Variants in BRSK1 observed in about 807,000 individuals in gnomAD.
The protein encoded by BRSK1 is BR serine/threonine kinase 1.
A neutral mutation model predicts 86.2 loss-of-function variants in BRSK1; 17 were observed. That is an observed-to-expected ratio of 0.20 (90% CI 0.14 to 0.30). The LOEUF (loss-of-function observed/expected upper bound fraction) is 0.30, where lower values mean the gene tolerates loss of function less well. Ranked by LOEUF, BRSK1 falls within the 10% of genes least tolerant of loss-of-function variation. The pLI, the probability that BRSK1 is intolerant of heterozygous loss-of-function variation, is 1.00. For synonymous variants in BRSK1, 464 were observed against 440.1 expected, an observed-to-expected ratio of 1.05 and a Z score of -0.68; for missense variants, 719 against 1,071.9, an observed-to-expected ratio of 0.67 and a Z score of 4.60.
In BRSK1 at chr19:55,284,044, G is replaced by A; in HGVS notation, c.-399G>A. On this transcript the variant is annotated 5_prime_UTR_variant, in exon 1 of 19. Transcript: ENST00000309383. ...GAGAGAAAGGACGAGGTGGCGGGGG[G>A]AGGCGGAGAGGAGGAGGAGGCGGAG... 1 of 1,235,100 alleles carries A rather than the reference G, an allele frequency of 8.1e-7. No homozygotes were observed. Among genetic ancestry groups the A allele is most frequent in the Admixed American group, 4.2e-5 (1 of 23,710 alleles). 76.5% of individuals were successfully genotyped at this position (1,235,100 alleles called of 1,614,324 possible). A position where few individuals can be genotyped will look rare whatever the true frequency, so the allele number is the denominator to read the frequency against.
At position 55,284,226 on chromosome 19, in the gene BRSK1, ACT is replaced by A; in HGVS notation, c.-215_-214del. The A allele has an allele frequency of 1.7e-6, 1 of 592,720 alleles. No homozygotes were observed. The allele number at this position is 592,720 out of a possible 1,614,324, so 36.7% of individuals were successfully genotyped here. A position where few individuals can be genotyped will look rare whatever the true frequency, so the allele number is the denominator to read the frequency against. ...CCCGCAGCCCCCCTGGGCCATGCTG[ACT>A]CCCGGGGCCTGACCCCCCCGGGCCA... On this transcript the variant is annotated 5_prime_UTR_variant, in exon 1 of 19. An upstream open reading frame in the 5' UTR loses its in-frame stop. Transcript: ENST00000309383.
At position 55,287,007 on chromosome 19, in the gene BRSK1, G is replaced by C; in HGVS notation, c.137G>C (p.Gly46Ala). The change falls in exon 2 of 19, where the codon GGG (glycine) becomes GCG (alanine). Residue 46 changes from glycine to alanine, a missense_variant and splice_region_variant. This residue lies in a region of BRSK1 where 71 missense variants were observed against 92.6 expected (regional missense o/e 0.77). Coordinates refer to ENST00000309383, the MANE Select transcript of BRSK1 (RefSeq NM_032430.2). The surrounding 1 kb of genome is among the most constrained non-coding windows in gnomAD (Gnocchi z 5.3). The stretch of plus-strand genomic sequence containing the variant: ...CCACATTTTCACCCTGCTCCTGCAG[G>C]GCTGGTTAAACTCGGGGTCCACTGC... The part of the protein sequence containing the change: ...LEKTLGKGQT[G>A]LVKLGVHCIT... 6.2e-7 allele frequency: 1 copy of C among 1,614,020 alleles called. No homozygotes were observed. The highest frequency in any genetic ancestry group is 8.5e-7 in the Non-Finnish European group (1 of 1,179,952).
chr19:55,301,763 C>T, intron 8 of BRSK1, 105 bp downstream of exon 8: 2 of 1,358,140 alleles, frequency 1.5e-6, no homozygotes, highest in Non-Finnish European at 2.0e-6. Flanking sequence ...TCGTCAGTCC[C>T]CAGGGTGACT....
chr19:55,312,283 G>T lies in BRSK1; in HGVS notation c.*215G>T, dbSNP rs2088819434. The T allele has an allele frequency of 8.7e-6, 2 of 228,738 alleles. No individual in the cohort carries two copies. The highest frequency in any genetic ancestry group is 8.3e-5 in the East Asian group (1 of 11,988). The allele number at this position is 228,738 out of a possible 1,614,324, so 14.2% of individuals were successfully genotyped here. On this transcript the variant is annotated 3_prime_UTR_variant, in exon 19 of 19. Coordinates refer to ENST00000309383, the MANE Select transcript of BRSK1 (RefSeq NM_032430.2). ...GGGAGCTGTTTCTATTTTATTTATT[G>T]ATTAATTTATTATTTTATTTATTGA...
chr19:55,303,958 T>C lies in BRSK1; in HGVS notation c.1287-92T>C. 2.0e-6 allele frequency: 3 copies of C among 1,514,940 alleles called. No individual in the cohort carries two copies. The highest frequency in any genetic ancestry group is 2.5e-5 in the South Asian group (2 of 79,358). The allele number at this position is 1,514,940 out of a possible 1,614,324, so 93.8% of individuals were successfully genotyped here. A position where few individuals can be genotyped will look rare whatever the true frequency, so the allele number is the denominator to read the frequency against. ...CCTCCCCTCTCTGGGCCTCATTTCCTCACCTGGAAGGACTGTAGAAGTGAG... is the reference window on the plus strand; with the variant it reads ...CCTCCCCTCTCTGGGCCTCATTTCCCCACCTGGAAGGACTGTAGAAGTGAG... On this transcript the variant is annotated intron_variant, in intron 12 of 18. Coordinates refer to ENST00000309383, the MANE Select transcript of BRSK1 (RefSeq NM_032430.2). This position sits in a 1 kb window ranked among gnomAD's most constrained non-coding sequence, Gnocchi z 5.1.
chr19:55,306,600 C>T lies in BRSK1; in HGVS notation c.2089+150C>T, dbSNP rs1009127093. On this transcript the variant is annotated intron_variant, in intron 17 of 18. Coordinates refer to ENST00000309383, the MANE Select transcript of BRSK1 (RefSeq NM_032430.2). This position sits in a 1 kb window ranked among gnomAD's most constrained non-coding sequence, Gnocchi z 4.7. ...CTGTGCTCCTCCTGCCCACACAGAC[C>T]GCCCCACAAGCCCATCCTCTATTTC... 12 of 829,430 alleles carry T rather than the reference C, an allele frequency of 1.4e-5. No homozygotes were observed. The highest frequency in any genetic ancestry group is 3.3e-5 in the South Asian group (2 of 59,718). The allele number at this position is 829,430 out of a possible 1,614,324, so 51.4% of individuals were successfully genotyped here. A position where few individuals can be genotyped will look rare whatever the true frequency, so the allele number is the denominator to read the frequency against.
chr19:55,297,673 G>A (rs1042490815), intron 7 of BRSK1, among the ~76,000 whole-genome samples: 2 of 152,184 alleles, frequency 1.3e-5, no homozygotes, highest in Non-Finnish European at 2.9e-5. Flanking sequence ...GCCTGGTTCT[G>A]GAGCCCATCC....
Position 55,304,411 on chromosome 19 carries a change from G to A in BRSK1, c.1348-140G>A, listed in dbSNP as rs963393349. Reference sequence around the variant, plus strand: ...AAAGTCTTTGCTATCCTTGCTCTGGGGCCTGGGAAGGAGGATACTTGGACT... The same window carrying A: ...AAAGTCTTTGCTATCCTTGCTCTGGAGCCTGGGAAGGAGGATACTTGGACT... On this transcript the variant is annotated intron_variant, in intron 13 of 18. Transcript: ENST00000309383. This position sits in a 1 kb window ranked among gnomAD's most constrained non-coding sequence, Gnocchi z 5.2. The A allele has an allele frequency of 1.1e-5, 12 of 1,105,188 alleles. No individual in the cohort carries two copies. Among genetic ancestry groups the A allele is most frequent in the Non-Finnish European group, 1.5e-5 (12 of 801,330 alleles). The allele number at this position is 1,105,188 out of a possible 1,614,324, so 68.5% of individuals were successfully genotyped here. A position where few individuals can be genotyped will look rare whatever the true frequency, so the allele number is the denominator to read the frequency against.
chr19:55,306,536 A>C lies in BRSK1; in HGVS notation c.2089+86A>C. On this transcript the variant is annotated intron_variant, in intron 17 of 18. Transcript: ENST00000309383. The surrounding 1 kb of genome is among the most constrained non-coding windows in gnomAD (Gnocchi z 4.7). ...CAGTGTAGGGGCCCAGGAGTGCAGCAGCAGGAGGAGGAAATGGTGTTCAGC... is the reference window on the plus strand; with the variant it reads ...CAGTGTAGGGGCCCAGGAGTGCAGCCGCAGGAGGAGGAAATGGTGTTCAGC... 1 of 1,490,254 alleles carries C rather than the reference A, an allele frequency of 6.7e-7. No individual in the cohort carries two copies. The highest frequency in any genetic ancestry group is 2.1e-4 in the Middle Eastern group (1 of 4,662). The allele number at this position is 1,490,254 out of a possible 1,614,324, so 92.3% of individuals were successfully genotyped here.
At chr19:55,290,648 C>CT (rs66488143) in intron 4 of BRSK1, among the ~76,000 whole-genome samples, 57 of 142,016 alleles carry the variant, frequency 4.0e-4, no homozygotes, top group Non-Finnish European at 4.4e-4. Context: ...TTTTCTTTTT[C>CT]TTTTTTTTTT....
chr19:55,307,627 A>T (rs995944072), intron 17 of BRSK1, among the ~76,000 whole-genome samples: 5 of 148,746 alleles, frequency 3.4e-5, no homozygotes, highest in African/African-American at 1.2e-4. Context: ...ATGATGGCTG[A>T]CTCCTGTAAT....
In BRSK1 at chr19:55,310,821, GGGGTCT is replaced by G. The variant is rs1156453787; in HGVS notation, c.2180-1089_2180-1084del. On this transcript the variant is annotated intron_variant, in intron 18 of 18. Coordinates refer to ENST00000309383, the MANE Select transcript of BRSK1 (RefSeq NM_032430.2). The surrounding 1 kb of genome is among the most constrained non-coding windows in gnomAD (Gnocchi z 5.0). ...CGAGGAAAGCTGGCCTCAGCAACCA[GGGGTCT>G]CAAAACGGGCACACCCTGGAAGATG... Among the ~76,000 whole-genome samples, 1 of 152,128 alleles carries G rather than the reference GGGGTCT, an allele frequency of 6.6e-6. No homozygotes were observed. The highest frequency in any genetic ancestry group is 6.6e-5 in the Admixed American group (1 of 15,266).
intron 18 of BRSK1, 118 bp from the exon 19 acceptor site, chr19:55,311,792 AG>A: frequency 9.5e-7 from 1 of 1,051,302 alleles, no homozygotes; most frequent in Non-Finnish European, 1.4e-6. Context: ...CAGGGATTGG[AG>A]CTAGAGCCTC....
chr19:55,303,314 G>T lies in BRSK1; in HGVS notation c.1032G>T (p.Glu344Asp), dbSNP rs1470828063. ...CCTTTCCCACCCCCTGCCTTAGGGA[G>T]AACCAAGAAAAGATGATATATTATC... ...RLHRELRSEE[E>D]NQEKMIYYLL... Residue 344 changes from glutamate (E) to aspartate (D), a missense_variant, in exon 11 of 19, where the codon GAG becomes GAT. Transcript: ENST00000309383. This position sits in a 1 kb window ranked among gnomAD's most constrained non-coding sequence, Gnocchi z 5.1. 1 of 1,613,580 alleles carries T rather than the reference G, an allele frequency of 6.2e-7. No individual in the cohort carries two copies. Among genetic ancestry groups the T allele is most frequent in the Non-Finnish European group, 8.5e-7 (1 of 1,179,680 alleles).
chr19:55,304,116 G>A lies in BRSK1; in HGVS notation c.1347+6G>A, dbSNP rs1339732154. The A allele has an allele frequency of 4.3e-6, 7 of 1,611,602 alleles. No homozygotes were observed. The highest frequency in any genetic ancestry group is 1.3e-5 in the African/African-American group (1 of 74,798). ...GCCCTCTAAGCAGCCCAAGGGTAAGGCCAGGTCCCCAGTGGGATTTAAGAA... is the reference window on the plus strand; with the variant it reads ...GCCCTCTAAGCAGCCCAAGGGTAAGACCAGGTCCCCAGTGGGATTTAAGAA... On this transcript the variant is annotated splice_donor_region_variant and intron_variant, in intron 13 of 18. Transcript: ENST00000309383. The surrounding 1 kb of genome is among the most constrained non-coding windows in gnomAD (Gnocchi z 5.2).
At chr19:55,305,298 G>T (rs1284405338) in intron 14 of BRSK1, 23 bp from the exon 15 acceptor site, 1 of 1,613,624 alleles carries the variant, frequency 6.2e-7, no homozygotes, top group East Asian at 2.2e-5. Context: ...TGTTGACCAC[G>T]TTCTCTGCCT....
chr19:55,307,953 CAAAAGAAAAAA>C (rs1223382644), intron 17 of BRSK1, among the ~76,000 whole-genome samples: 1 of 150,182 alleles, frequency 6.7e-6, no homozygotes, highest in African/African-American at 2.4e-5. Flanking sequence ...GACCTTGTCT[CAAAAGAAAAAA>C]GAAAAAGAAA....
intron 3 of BRSK1, among the ~76,000 whole-genome samples, chr19:55,288,594 TG>T (rs1351592350): frequency 1.3e-5 from 2 of 152,050 alleles, no homozygotes; most frequent in East Asian, 3.9e-4. Context: ...TTTGTTGTTT[TG>T]TTTTTTTGAG....
chr19:55,297,198 T>C (rs1262561320), intron 7 of BRSK1, among the ~76,000 whole-genome samples: 1 of 151,788 alleles, frequency 6.6e-6, no homozygotes, highest in Non-Finnish European at 1.5e-5. Flanking sequence ...TGCCTCAGCC[T>C]CCCAAGTAGC....
Sources: gnomAD v4.1 joint callset for allele counts (sites outside exome capture counted in the v4.1 genomes callset) on GRCh38, gnomAD v4.1.1 for gene constraint, gnomAD v4.1.1 regional missense constraint, Gnocchi (gnomAD v3.1) non-coding constraint, MANE v1.5 for transcripts, NCBI Gene and HGNC (gene_info 2026-07-23, HGNC 2026-07-21) for gene names.